Variants in ARF6 observed in about 807,000 individuals in gnomAD.
ARF6 encodes ARF GTPase 6.
For synonymous variants in ARF6, 127 were observed against 95.5 expected (o/e 1.33, Z -1.92); for missense variants, 75 against 232.0 (o/e 0.32, Z 4.40).
At position 49,893,610 on chromosome 14, in the gene ARF6, C is replaced by G. The variant is rs1406416978; in HGVS notation, c.-127C>G. 8.0e-7 allele frequency: 1 copy of G among 1,244,668 alleles called. No homozygotes were observed. The highest frequency in any genetic ancestry group is 1.1e-6 in the Non-Finnish European group (1 of 888,704). The allele number at this position is 1,244,668 out of a possible 1,614,324, so 77.1% of individuals were successfully genotyped here. A position where few individuals can be genotyped will look rare whatever the true frequency, so the allele number is the denominator to read the frequency against. On this transcript the variant is annotated 5_prime_UTR_variant, in exon 2 of 2. Transcript: ENST00000298316. ...GGGCCTCTGCCCTTAGGAGGCAACTCCCACGCAGGCCGCAAAGGCGCTCTC... is the reference window on the plus strand; with the variant it reads ...GGGCCTCTGCCCTTAGGAGGCAACTGCCACGCAGGCCGCAAAGGCGCTCTC...
rs2139191013 is a variant in ARF6, at chr14:49,896,346, G to A, written c.*2082G>A. The A allele has an allele frequency of 6.0e-6, 1 of 167,074 alleles. No individual in the cohort carries two copies. Among genetic ancestry groups the A allele is most frequent in the African/African-American group, 2.4e-5 (1 of 41,536 alleles). The allele number at this position is 167,074 out of a possible 1,614,324, so 10.3% of individuals were successfully genotyped here. A position where few individuals can be genotyped will look rare whatever the true frequency, so the allele number is the denominator to read the frequency against. ...GTAATTTTTAGTGTTTCAAATGATTGCATTTTAAAGTATATAAATATGGGT... is the reference window on the plus strand; with the variant it reads ...GTAATTTTTAGTGTTTCAAATGATTACATTTTAAAGTATATAAATATGGGT... On this transcript the variant is annotated 3_prime_UTR_variant, in exon 2 of 2. Transcript: ENST00000298316.
chr14:49,893,329 G>C lies in ARF6; in HGVS notation c.-408G>C, dbSNP rs1894472867. The C allele has an allele frequency of 6.2e-6, 1 of 162,276 alleles. No individual in the cohort carries two copies. Among genetic ancestry groups the C allele is most frequent in the Admixed American group, 6.5e-5 (1 of 15,406 alleles). The allele number at this position is 162,276 out of a possible 1,614,324, so 10.1% of individuals were successfully genotyped here. On this transcript the variant is annotated 5_prime_UTR_variant, in exon 2 of 2. Transcript: ENST00000298316. ...AGCCGCGCTGCCTCTCGGGTGTCCT[G>C]GGTCGGTGGGGAGCCCAGTGCTCGC...
rs926767317 is a variant in ARF6 at position 49,895,030 on chromosome 14, A to G, written c.*766A>G. On this transcript the variant is annotated 3_prime_UTR_variant, in exon 2 of 2. Transcript: ENST00000298316. ...AGTAGGAATAAAACCCAAGTTCCCC[A>G]TAACGTAGATAACTTAATGCTGCAT... The G allele has an allele frequency of 6.0e-6, 1 of 167,104 alleles. No individual in the cohort carries two copies. The highest frequency in any genetic ancestry group is 2.4e-5 in the African/African-American group (1 of 41,472). The allele number at this position is 167,104 out of a possible 1,614,324, so 10.4% of individuals were successfully genotyped here. A position where few individuals can be genotyped will look rare whatever the true frequency, so the allele number is the denominator to read the frequency against.
At position 49,894,107 on chromosome 14, in the gene ARF6, A is replaced by G; in HGVS notation, c.371A>G (p.Gln124Arg). Residue 124 changes from glutamine to arginine, a missense_variant, in exon 2 of 2, where the codon CAG becomes CGG. Coordinates refer to ENST00000298316, the MANE Select transcript of ARF6 (RefSeq NM_001663.4). ...ATAATCCTCATCTTCGCCAACAAGC[A>G]GGACCTGCCCGATGCCATGAAACCC... ...DAIILIFANK[Q>R]DLPDAMKPHE... is the part of the protein sequence containing the mutation. 6.2e-7 allele frequency: 1 copy of G among 1,614,164 alleles called. No individual in the cohort carries two copies. The highest frequency in any genetic ancestry group is 8.5e-7 in the Non-Finnish European group (1 of 1,180,034).
chr14:49,894,377 CTG>C lies in ARF6; in HGVS notation c.*114_*115del. On this transcript the variant is annotated 3_prime_UTR_variant, in exon 2 of 2. Transcript: ENST00000298316. ...CTTTCTCTTCTTTTGAATTTGAACT[CTG>C]GAGTTACTGTTCTACAGTTTGGCGG... 1 of 1,138,888 alleles carries C rather than the reference CTG, an allele frequency of 8.8e-7. No homozygotes were observed. The allele number at this position is 1,138,888 out of a possible 1,614,324, so 70.5% of individuals were successfully genotyped here. A position where few individuals can be genotyped will look rare whatever the true frequency, so the allele number is the denominator to read the frequency against.
chr14:49,894,452 C>G lies in ARF6; in HGVS notation c.*188C>G. On this transcript the variant is annotated 3_prime_UTR_variant, in exon 2 of 2. Transcript: ENST00000298316. Reference sequence around the variant, plus strand: ...CTTTTGTTTGTTTCCCTTTCTTTTTCCTTTTTTTTTTTTTTTTTTTTTTGT... The same window carrying G: ...CTTTTGTTTGTTTCCCTTTCTTTTTGCTTTTTTTTTTTTTTTTTTTTTTGT... The G allele has an allele frequency of 2.6e-6, 1 of 391,918 alleles. No individual in the cohort carries two copies. Among genetic ancestry groups the G allele is most frequent in the South Asian group, 5.3e-5 (1 of 18,886 alleles). The allele number at this position is 391,918 out of a possible 1,614,324, so 24.3% of individuals were successfully genotyped here. A position where few individuals can be genotyped will look rare whatever the true frequency, so the allele number is the denominator to read the frequency against.
intron 1 of ARF6, 37 bp from the exon 2 acceptor site, chr14:49,893,219 C>T (rs1166404129): frequency 6.6e-6 from 1 of 152,576 alleles, no homozygotes; most frequent in East Asian, 1.9e-4. Context: ...TTGTGGAGCT[C>T]TGGCAGTAAC....
rs1894492089 is a variant in ARF6, at chr14:49,894,408, C to T, written c.*144C>T. 5.0e-6 allele frequency: 4 copies of T among 795,632 alleles called. No homozygotes were observed. The highest frequency in any genetic ancestry group is 7.5e-6 in the Non-Finnish European group (4 of 530,162). The allele number at this position is 795,632 out of a possible 1,614,324, so 49.3% of individuals were successfully genotyped here. A position where few individuals can be genotyped will look rare whatever the true frequency, so the allele number is the denominator to read the frequency against. On this transcript the variant is annotated 3_prime_UTR_variant, in exon 2 of 2. Coordinates refer to ENST00000298316, the MANE Select transcript of ARF6 (RefSeq NM_001663.4). ...TTACTGTTCTACAGTTTGGCGGGGA[C>T]GGGGCTTGGGGGTTTTCTCTTTTGT...
rs1210512402 is a variant in ARF6, at chr14:49,893,326, C to T, written c.-411C>T. On this transcript the variant is annotated 5_prime_UTR_variant, in exon 2 of 2. Coordinates refer to ENST00000298316, the MANE Select transcript of ARF6 (RefSeq NM_001663.4). ...CGGAGCCGCGCTGCCTCTCGGGTGTCCTGGGTCGGTGGGGAGCCCAGTGCT... is the reference window on the plus strand; with the variant it reads ...CGGAGCCGCGCTGCCTCTCGGGTGTTCTGGGTCGGTGGGGAGCCCAGTGCT... The T allele has an allele frequency of 6.2e-5, 10 of 161,962 alleles. No homozygotes were observed. Among genetic ancestry groups the T allele is most frequent in the Non-Finnish European group, 1.3e-4 (10 of 75,228 alleles). The allele number at this position is 161,962 out of a possible 1,614,324, so 10.0% of individuals were successfully genotyped here. A position where few individuals can be genotyped will look rare whatever the true frequency, so the allele number is the denominator to read the frequency against.
In ARF6 at chr14:49,893,165, C is replaced by T. The variant is rs1004994871; in HGVS notation, c.-482+8C>T. The T allele has an allele frequency of 6.6e-6, 1 of 152,342 alleles. No homozygotes were observed. Among genetic ancestry groups the T allele is most frequent in the African/African-American group, 2.4e-5 (1 of 41,394 alleles). The allele number at this position is 152,342 out of a possible 1,614,324, so 9.4% of individuals were successfully genotyped here. On this transcript the variant is annotated splice_region_variant and intron_variant, in intron 1 of 1. Transcript: ENST00000298316. ...TCGGGGCGGCGGCTGGAGGTAACCC[C>T]TTGGGCCGAGCTGGAAAGGCGGGCC...
rs1315455519 is a variant in ARF6 at position 49,894,059 on chromosome 14, A to G, written c.323A>G (p.Asn108Ser). ...EARQELHRII[N>S]DREMRDAIIL... The stretch of plus-strand genomic sequence containing the variant: ...CGCCAGGAGCTGCACCGCATTATCA[A>G]TGACCGGGAGATGAGGGACGCCATA... Residue 108 changes from asparagine (N) to serine (S), a missense_variant, in exon 2 of 2, where the codon AAT (asparagine) becomes AGT (serine). Physicochemically the swap from Asn to Ser is conservative, Grantham distance 46. Transcript: ENST00000298316. 2 of 1,614,168 alleles carry G rather than the reference A, an allele frequency of 1.2e-6. No individual in the cohort carries two copies. The highest frequency in any genetic ancestry group is 8.5e-7 in the Non-Finnish European group (1 of 1,180,024).
chr14:49,893,534 C>T lies in ARF6; in HGVS notation c.-203C>T, dbSNP rs1156959280. On this transcript the variant is annotated 5_prime_UTR_variant, in exon 2 of 2. Transcript: ENST00000298316. ...CTCAGGGCCCGGGTGGCGGCGGCGA[C>T]TGGAGAAATCAAGTTGTGCGGTCGG... 5 of 616,400 alleles carry T rather than the reference C, an allele frequency of 8.1e-6. No individual in the cohort carries two copies. The highest frequency in any genetic ancestry group is 1.9e-5 in the African/African-American group (1 of 53,920). The allele number at this position is 616,400 out of a possible 1,614,324, so 38.2% of individuals were successfully genotyped here. A position where few individuals can be genotyped will look rare whatever the true frequency, so the allele number is the denominator to read the frequency against.
At position 49,893,581 on chromosome 14, in the gene ARF6, G is replaced by A. The variant is rs1226514050; in HGVS notation, c.-156G>A. ...TCGGTGATGCCCGAGTGAGCGGGGG[G>A]CCTGGGCCTCTGCCCTTAGGAGGCA... On this transcript the variant is annotated 5_prime_UTR_variant, in exon 2 of 2. Transcript: ENST00000298316. 4 of 832,180 alleles carry A rather than the reference G, an allele frequency of 4.8e-6. No homozygotes were observed. The highest frequency in any genetic ancestry group is 5.2e-5 in the East Asian group (2 of 38,480). 51.5% of individuals were successfully genotyped at this position (832,180 alleles called of 1,614,324 possible).
Position 49,896,641 on chromosome 14 carries a change from G to T in ARF6, c.*2377G>T, listed in dbSNP as rs140492524. On this transcript the variant is annotated 3_prime_UTR_variant, in exon 2 of 2. Transcript: ENST00000298316. The stretch of plus-strand genomic sequence containing the variant: ...TTATTTGAAATGTTTGACTGGAAAG[G>T]GGGGAGGGGGAAGCAAATATTTGAA... 3.6e-5 allele frequency: 6 copies of T among 166,956 alleles called. No individual in the cohort carries two copies. The highest frequency in any genetic ancestry group is 1.4e-4 in the African/African-American group (6 of 41,420). The allele number at this position is 166,956 out of a possible 1,614,324, so 10.3% of individuals were successfully genotyped here.
chr14:49,894,471 TTTTTG>T lies in ARF6; in HGVS notation c.*210_*214del. 1.8e-6 allele frequency: 1 copy of T among 542,624 alleles called. No homozygotes were observed. The highest frequency in any genetic ancestry group is 3.2e-6 in the Non-Finnish European group (1 of 313,934). 33.6% of individuals were successfully genotyped at this position (542,624 alleles called of 1,614,324 possible). On this transcript the variant is annotated 3_prime_UTR_variant, in exon 2 of 2. Transcript: ENST00000298316. ...CTTTTTCCTTTTTTTTTTTTTTTTTTTTTTGTTGGCTTTGCGTTAGGATGCTCTGA... is the reference window on the plus strand; with the variant it reads ...CTTTTTCCTTTTTTTTTTTTTTTTTTTTGGCTTTGCGTTAGGATGCTCTGA...
rs1209394931 is a variant in ARF6 at position 49,894,441 on chromosome 14, CCTTT to C, written c.*182_*185del. 18 of 565,146 alleles carry C rather than the reference CCTTT, an allele frequency of 3.2e-5. No homozygotes were observed. The highest frequency in any genetic ancestry group is 9.9e-5 in the African/African-American group (5 of 50,620). 35.0% of individuals were successfully genotyped at this position (565,146 alleles called of 1,614,324 possible). A position where few individuals can be genotyped will look rare whatever the true frequency, so the allele number is the denominator to read the frequency against. Reference sequence around the variant, plus strand: ...GGGGGTTTTCTCTTTTGTTTGTTTCCCTTTCTTTTTCCTTTTTTTTTTTTTTTTT... The same window carrying C: ...GGGGGTTTTCTCTTTTGTTTGTTTCCCTTTTTCCTTTTTTTTTTTTTTTTT... On this transcript the variant is annotated 3_prime_UTR_variant, in exon 2 of 2. Coordinates refer to ENST00000298316, the MANE Select transcript of ARF6 (RefSeq NM_001663.4).
In ARF6 at chr14:49,894,382, GT is replaced by G. The variant is rs1383939543; in HGVS notation, c.*120del. ...TCTTCTTTTGAATTTGAACTCTGGA[GT>G]TACTGTTCTACAGTTTGGCGGGGAC... On this transcript the variant is annotated 3_prime_UTR_variant, in exon 2 of 2. Transcript: ENST00000298316. The G allele has an allele frequency of 3.1e-5, 33 of 1,078,794 alleles. No homozygotes were observed. Among genetic ancestry groups the G allele is most frequent in the Non-Finnish European group, 4.2e-5 (32 of 770,700 alleles). The allele number at this position is 1,078,794 out of a possible 1,614,324, so 66.8% of individuals were successfully genotyped here. A position where few individuals can be genotyped will look rare whatever the true frequency, so the allele number is the denominator to read the frequency against.
rs564112546 is a variant in ARF6, at chr14:49,895,520, C to G, written c.*1256C>G. 3.6e-5 allele frequency: 6 copies of G among 166,992 alleles called. No homozygotes were observed. The highest frequency in any genetic ancestry group is 1.4e-4 in the African/African-American group (6 of 41,436). The allele number at this position is 166,992 out of a possible 1,614,324, so 10.3% of individuals were successfully genotyped here. On this transcript the variant is annotated 3_prime_UTR_variant, in exon 2 of 2. Transcript: ENST00000298316. ...TATTTAATTTTGTTTGTAGGATTAA[C>G]TCATGCAAATAATAAAAAAGATATC...
chr14:49,893,574 G>A lies in ARF6; in HGVS notation c.-163G>A. ...TGTGCGGTCGGTGATGCCCGAGTGA[G>A]CGGGGGGCCTGGGCCTCTGCCCTTA... is the stretch of plus-strand genomic sequence containing the variant. On this transcript the variant is annotated 5_prime_UTR_variant, in exon 2 of 2. Coordinates refer to ENST00000298316, the MANE Select transcript of ARF6 (RefSeq NM_001663.4). 2 of 790,258 alleles carry A rather than the reference G, an allele frequency of 2.5e-6. No individual in the cohort carries two copies. The highest frequency in any genetic ancestry group is 4.0e-6 in the Non-Finnish European group (2 of 501,044). The allele number at this position is 790,258 out of a possible 1,614,324, so 49.0% of individuals were successfully genotyped here.
Sources: allele counts gnomAD v4.1 joint callset, GRCh38; gene constraint gnomAD v4.1.1; transcripts MANE v1.5; gene names NCBI Gene and HGNC (gene_info 2026-07-23, HGNC 2026-07-21).